NCOA2: variants seen among roughly 807,000 people sequenced by gnomAD.
NCOA2 encodes class E basic helix-loop-helix protein 75.
A neutral mutation model predicts 145.1 loss-of-function variants in NCOA2; 21 were observed. That is an observed-to-expected ratio of 0.14 (90% CI 0.10 to 0.21). The LOEUF (loss-of-function observed/expected upper bound fraction) is 0.21. NCOA2 is among the 10% of genes least tolerant of loss of function. The pLI is 1.00. For missense variants in NCOA2, 1,472 were observed against 1,837.6 expected, an observed-to-expected ratio of 0.80 and a Z score of 3.64; for synonymous variants, 619 against 637.5, an observed-to-expected ratio of 0.97 and a Z score of 0.44.
intron 2 of NCOA2, among the ~76,000 whole-genome samples, chr8:70,278,770 C>A (rs1282831655): frequency 1.3e-5 from 2 of 152,088 alleles, no homozygotes; most frequent in East Asian, 3.9e-4. Context: ...AGTTCGAGAC[C>A]AGGCTGGACA....
intron 5 of NCOA2, among the ~76,000 whole-genome samples, chr8:70,171,367 A>T (rs1265809116): frequency 6.6e-6 from 1 of 152,202 alleles, no homozygotes; most frequent in Non-Finnish European, 1.5e-5. Flanking sequence ...TTGAATGTGA[A>T]TCCAGAAGGA....
At chr8:70,392,258 G>C (rs1420828371) in intron 1 of NCOA2, among the ~76,000 whole-genome samples, 1 of 152,190 alleles carries the variant, frequency 6.6e-6, no homozygotes, top group African/African-American at 2.4e-5. Flanking sequence ...TAAAGGATCA[G>C]GGGAGCTAGG....
At chr8:70,284,264 T>C (rs1241902450) in intron 2 of NCOA2, among the ~76,000 whole-genome samples, 1 of 152,182 alleles carries the variant, frequency 6.6e-6, no homozygotes, top group African/African-American at 2.4e-5. Flanking sequence ...CCTCCTTGGA[T>C]ACAAATTTGA....
intron 2 of NCOA2, among the ~76,000 whole-genome samples, chr8:70,260,908 T>C (rs1424808190): frequency 1.3e-5 from 2 of 152,090 alleles, no homozygotes; most frequent in Admixed American, 1.3e-4. Flanking sequence ...TGAGATACCA[T>C]CTCACACCAG....
chr8:70,428,752 A>C, the NCOA2 span, among the ~76,000 whole-genome samples: 1 of 152,222 alleles, frequency 6.6e-6, no homozygotes, highest in African/African-American at 2.4e-5. Flanking sequence ...AATTTAGCTT[A>C]GCAGTGTGCC....
chr8:70,292,839 CAAGAA>C (rs912843535), intron 2 of NCOA2, among the ~76,000 whole-genome samples: 1 of 152,104 alleles, frequency 6.6e-6, no homozygotes, highest in Non-Finnish European at 1.5e-5. Flanking sequence ...AAGAAAACAA[CAAGAA>C]AAGAGTAAAC....
chr8:70,173,711 T>A (rs536625739), intron 5 of NCOA2, among the ~76,000 whole-genome samples: 38 of 152,338 alleles, frequency 2.5e-4, no homozygotes, highest in African/African-American at 8.7e-4. Context: ...AAATGAAGTT[T>A]GTCATTTCTA....
rs1408942145 is a variant in NCOA2 at position 70,403,670 on chromosome 8, C to G, written c.-77+30G>C. 6 of 378,468 alleles carry G rather than the reference C, an allele frequency of 1.6e-5. No individual in the cohort carries two copies. In the East Asian group the frequency reaches 1.9e-4, roughly 12 times the overall value. The allele number at this position is 378,468 out of a possible 1,614,324, so 23.4% of individuals were successfully genotyped here. A position where few individuals can be genotyped will look rare whatever the true frequency, so the allele number is the denominator to read the frequency against. On this transcript the variant is annotated intron_variant, in intron 1 of 22. Transcript: ENST00000452400. The stretch of plus-strand genomic sequence containing the variant: ...CGCCTGCCGCCCGCCCCCCGCCCGC[C>G]CTCGCGGCCCCGGGGGAAGGCGCGG...
At chr8:70,229,589 G>A (rs1188664139) in intron 2 of NCOA2, among the ~76,000 whole-genome samples, 3 of 152,150 alleles carry the variant, frequency 2.0e-5, no homozygotes, top group East Asian at 1.9e-4. Flanking sequence ...CATGGGATCC[G>A]GGGATTTGGG....
At chr8:70,277,685 T>C (rs904907621) in intron 2 of NCOA2, among the ~76,000 whole-genome samples, 6 of 152,178 alleles carry the variant, frequency 3.9e-5, no homozygotes, top group African/African-American at 1.4e-4. Flanking sequence ...TTCATACTTT[T>C]ATGTGAATTT....
chr8:70,314,026 A>G (rs1055658660), intron 1 of NCOA2, among the ~76,000 whole-genome samples: 4 of 151,116 alleles, frequency 2.6e-5, no homozygotes, highest in African/African-American at 9.7e-5. Flanking sequence ...TATATATACA[A>G]AAAATTAGCT....
chr8:70,347,497 A>G (rs1015290495), intron 1 of NCOA2, among the ~76,000 whole-genome samples: 2 of 146,848 alleles, frequency 1.4e-5, no homozygotes, highest in African/African-American at 5.2e-5. Context: ...AAAAAAAAAG[A>G]AAAAAAAAAT....
chr8:70,376,365 A>G (rs1451742928), intron 1 of NCOA2, among the ~76,000 whole-genome samples: 3 of 150,964 alleles, frequency 2.0e-5, no homozygotes, highest in African/African-American at 7.4e-5. Flanking sequence ...CAGTACACAC[A>G]CACGCACACA....
chr8:70,302,010 T>C (rs1374571504), intron 1 of NCOA2, among the ~76,000 whole-genome samples: 1 of 152,184 alleles, frequency 6.6e-6, no homozygotes, highest in Non-Finnish European at 1.5e-5. Flanking sequence ...AAATTTATTT[T>C]TCCCTTTTTT....
intron 4 of NCOA2, among the ~76,000 whole-genome samples, chr8:70,201,782 A>C (rs2133558760): frequency 6.6e-6 from 1 of 152,312 alleles, no homozygotes; most frequent in Middle Eastern, 3.4e-3. Context: ...AAAAAGCTTC[A>C]GCGCAAGAAA....
At chr8:70,283,150 T>C (rs1222410434) in intron 2 of NCOA2, among the ~76,000 whole-genome samples, 2 of 152,228 alleles carry the variant, frequency 1.3e-5, no homozygotes, top group Non-Finnish European at 2.9e-5. Flanking sequence ...CACTGGTATC[T>C]TCCTTGGTTT....
At chr8:70,197,775 C>T (rs137874024) in intron 4 of NCOA2, among the ~76,000 whole-genome samples, 9 of 151,992 alleles carry the variant, frequency 5.9e-5, no homozygotes, top group African/African-American at 2.2e-4. Context: ...TCTATTCATA[C>T]CTTCTTAAAG....
upstream of NCOA2, among the ~76,000 whole-genome samples, chr8:70,407,442 A>C (rs959546860): frequency 1.3e-5 from 2 of 152,146 alleles, no homozygotes; most frequent in Admixed American, 6.5e-5. Context: ...TTCGCTGCAT[A>C]TCTAAGATTG....
chr8:70,329,846 T>C (rs1292443673), intron 1 of NCOA2, among the ~76,000 whole-genome samples: 8 of 152,190 alleles, frequency 5.3e-5, no homozygotes, highest in Non-Finnish European at 1.2e-4. Context: ...ATTCAACTTT[T>C]ATAAAGTTCA....
Sources: allele counts gnomAD v4.1 joint callset (sites outside exome capture counted in the v4.1 genomes callset), GRCh38; gene constraint gnomAD v4.1.1; transcripts MANE v1.5; gene names NCBI Gene and HGNC (gene_info 2026-07-23, HGNC 2026-07-21).